Variants in SLC15A5 observed in about 807,000 individuals in gnomAD.
SLC15A5 encodes the protein Peptide/histidine transporter ENSP00000340402.
In SLC15A5, 58 loss-of-function variants were observed where a neutral mutation model predicts 56.1. The observed-to-expected ratio is 1.03, with a 90% CI of 0.84 to 1.29. The LOEUF is 1.29. Among genes scored for constraint, SLC15A5 ranks in the 50% most tolerant of loss-of-function variants. The pLI is 0.00. For synonymous variants in SLC15A5, 264 were observed against 250.5 expected (o/e 1.05, Z -0.51); for missense variants, 681 against 672.1 (o/e 1.01, Z -0.15).
At chr12:16,223,434 T>C (rs542031306) in intron 6 of SLC15A5, among the ~76,000 whole-genome samples, 1 of 152,300 alleles carries the variant, frequency 6.6e-6, no homozygotes, top group Non-Finnish European at 1.5e-5. Context: ...GATAAATAGA[T>C]GTACACACAC....
At chr12:16,225,004 T>C (rs1214019849) in intron 5 of SLC15A5, among the ~76,000 whole-genome samples, 1 of 152,034 alleles carries the variant, frequency 6.6e-6, no homozygotes, top group East Asian at 1.9e-4. Flanking sequence ...TATGATAGTT[T>C]GCTGAGAATG....
At chr12:16,228,794 T>C (rs1000987993) in intron 5 of SLC15A5, among the ~76,000 whole-genome samples, 4 of 152,042 alleles carry the variant, frequency 2.6e-5, no homozygotes, top group African/African-American at 9.7e-5. Context: ...GCTGACTTTA[T>C]TGTAAGAATA....
intron 7 of SLC15A5, among the ~76,000 whole-genome samples, chr12:16,198,611 T>C (rs1863918838): frequency 6.6e-6 from 1 of 152,144 alleles, no homozygotes; most frequent in South Asian, 2.1e-4. Context: ...CTCAACAGTT[T>C]TAAAATGTCT....
chr12:16,199,304 C>CTAAA (rs1863927578), intron 7 of SLC15A5, among the ~76,000 whole-genome samples: 1 of 91,362 alleles, frequency 1.1e-5, no homozygotes, highest in Non-Finnish European at 2.1e-5. Flanking sequence ...TAGACTGTCT[C>CTAAA]AAAAAAAAAA....
chr12:16,235,168 T>C lies in SLC15A5; in HGVS notation c.1162+4513A>G, dbSNP rs996790870. 6.6e-6 allele frequency among the ~76,000 whole-genome samples: 1 copy of C among 151,658 alleles called. No individual in the cohort carries two copies. The highest frequency in any genetic ancestry group is 2.4e-5 in the African/African-American group (1 of 41,346). Reference sequence around the variant, plus strand: ...GTCACTCACTTTTTAGGGTGGCATATGTTTTTTATTTTTATTGTTTTCCCC... The same window carrying C: ...GTCACTCACTTTTTAGGGTGGCATACGTTTTTTATTTTTATTGTTTTCCCC... On this transcript the variant is annotated intron_variant, in intron 5 of 8. Transcript: ENST00000344941. This position sits in a 1 kb window ranked among gnomAD's most constrained non-coding sequence, Gnocchi z 4.1.
chr12:16,270,526 C>T (rs561265370), intron 2 of SLC15A5, among the ~76,000 whole-genome samples: 1 of 152,246 alleles, frequency 6.6e-6, no homozygotes, highest in Admixed American at 6.5e-5. Flanking sequence ...ACAATGGTTT[C>T]AGCTGATGGC....
At position 16,237,021 on chromosome 12, in the gene SLC15A5, A is replaced by G. The variant is rs1864358632; in HGVS notation, c.1162+2660T>C. Among the ~76,000 whole-genome samples, 1 of 152,204 alleles carries G rather than the reference A, an allele frequency of 6.6e-6. No homozygotes were observed. The highest frequency in any genetic ancestry group is 1.5e-5 in the Non-Finnish European group (1 of 68,026). On this transcript the variant is annotated intron_variant, in intron 5 of 8. Transcript: ENST00000344941. This position sits in a 1 kb window ranked among gnomAD's most constrained non-coding sequence, Gnocchi z 4.1. ...ATGGTTTATCATGAGATTAAATGTAATATGTGTATGAAGGTTCCTAAATTC... is the reference window on the plus strand; with the variant it reads ...ATGGTTTATCATGAGATTAAATGTAGTATGTGTATGAAGGTTCCTAAATTC...
At chr12:16,240,225 C>T (rs1353788497) in intron 4 of SLC15A5, among the ~76,000 whole-genome samples, 2 of 152,026 alleles carry the variant, frequency 1.3e-5, no homozygotes, top group Admixed American at 1.3e-4. Flanking sequence ...TTCATGAACA[C>T]TAATATAAAA....
rs367756256 is a variant in SLC15A5 at position 16,264,136 on chromosome 12, G to A, written c.585-6266C>T. 7.0e-4 allele frequency among the ~76,000 whole-genome samples: 106 copies of A among 152,310 alleles called. 1 individual carries two copies. In the South Asian group the frequency reaches 0.021, roughly 30 times the overall value. On this transcript the variant is annotated intron_variant, in intron 2 of 8. Coordinates refer to ENST00000344941, the MANE Select transcript of SLC15A5 (RefSeq NM_001170798.1). ...AGCAGCAGACACTGGATGCCAGCCC[G>A]TGAAGGCAGCTGGGAGGGAAGCAGT...
chr12:16,201,162 C>T (rs1863951199), intron 7 of SLC15A5, among the ~76,000 whole-genome samples: 1 of 152,048 alleles, frequency 6.6e-6, no homozygotes, highest in Non-Finnish European at 1.5e-5. Context: ...GAAAAAGTTA[C>T]AAAGAATTAC....
chr12:16,218,160 T>C (rs3847921), intron 6 of SLC15A5, among the ~76,000 whole-genome samples: 84,458 of 151,882 alleles, frequency 0.56, 23,753 homozygotes, highest in South Asian at 0.74. Context: ...GAGTTGAAAA[T>C]TATTGATGCT....
In SLC15A5 at chr12:16,218,910, T is replaced by G. The variant is rs58751454; in HGVS notation, c.1352-1886A>C. Among the ~76,000 whole-genome samples the G allele has an allele frequency of 4.9e-3, 749 of 152,292 alleles. 7 individuals carry two copies. The highest frequency in any genetic ancestry group is 0.017 in the African/African-American group (699 of 41,568). On this transcript the variant is annotated intron_variant, in intron 6 of 8. Transcript: ENST00000344941. ...AGCAAAACTCTGCATTTACCAGAAC[T>G]TTTCCATGATCTTACTAACACATGA...
chr12:16,208,580 T>G (rs563826194), intron 7 of SLC15A5, among the ~76,000 whole-genome samples: 1 of 152,178 alleles, frequency 6.6e-6, no homozygotes, highest in South Asian at 2.1e-4. Flanking sequence ...GGCAGGAGGA[T>G]CCTTTGAGCC....
chr12:16,212,020 C>T (rs1864086584), intron 7 of SLC15A5, among the ~76,000 whole-genome samples: 1 of 152,160 alleles, frequency 6.6e-6, no homozygotes, highest in South Asian at 2.1e-4. Context: ...CTCACATGCA[C>T]ACATGCTCAG....
Position 16,189,744 on chromosome 12 carries a change from TGGA to T in SLC15A5, c.1661_1663del (p.Leu554del), listed in dbSNP as rs762922501. 460 of 1,531,486 alleles carry T rather than the reference TGGA, an allele frequency of 3.0e-4. No individual in the cohort carries two copies. Among genetic ancestry groups the T allele is most frequent in the Non-Finnish European group, 3.9e-4 (441 of 1,143,916 alleles). The allele number at this position is 1,531,486 out of a possible 1,614,324, so 94.9% of individuals were successfully genotyped here. On this transcript the variant is annotated inframe_deletion, in exon 9 of 9. Coordinates refer to ENST00000344941, the MANE Select transcript of SLC15A5 (RefSeq NM_001170798.1). ...GCCATAAAATTTCAGAGATTTTTCG[TGGA>T]GGAGAAGTGTTTCTTCAAGATTACT...
Position 16,277,312 on chromosome 12 carries a change from A to C in SLC15A5, c.361+13T>G. The C allele has an allele frequency of 6.7e-7, 1 of 1,500,670 alleles. No individual in the cohort carries two copies. The highest frequency in any genetic ancestry group is 8.9e-7 in the Non-Finnish European group (1 of 1,128,962). The allele number at this position is 1,500,670 out of a possible 1,614,324, so 93.0% of individuals were successfully genotyped here. A position where few individuals can be genotyped will look rare whatever the true frequency, so the allele number is the denominator to read the frequency against. On this transcript the variant is annotated intron_variant, in intron 1 of 8. Coordinates refer to ENST00000344941, the MANE Select transcript of SLC15A5 (RefSeq NM_001170798.1). ...TAAGTCACAAAACAATCCAGTCAGC[A>C]GAGGACACTCACCTAGAAAATGTAG...
chr12:16,238,643 A>AT (rs1030718363), intron 5 of SLC15A5, among the ~76,000 whole-genome samples: 1 of 151,552 alleles, frequency 6.6e-6, no homozygotes, highest in South Asian at 2.1e-4. Context: ...AAAAAAAAAA[A>AT]AAAATAAGAA....
chr12:16,190,481 A>T (rs1185162162), intron 8 of SLC15A5, among the ~76,000 whole-genome samples: 1 of 152,210 alleles, frequency 6.6e-6, no homozygotes, highest in African/African-American at 2.4e-5. Context: ...AAGACAAATT[A>T]CTTTCTTAAA....
intron 6 of SLC15A5, 29 bp from the exon 7 acceptor site, chr12:16,217,053 G>A: frequency 6.6e-7 from 1 of 1,515,426 alleles, no homozygotes. Flanking sequence ...TCAGAATTTA[G>A]AACTTTCTCC....
Sources: gnomAD v4.1 joint callset for allele counts (sites outside exome capture counted in the v4.1 genomes callset) on GRCh38, gnomAD v4.1.1 for gene constraint, Gnocchi (gnomAD v3.1) non-coding constraint, MANE v1.5 for transcripts, NCBI Gene and HGNC (gene_info 2026-07-23, HGNC 2026-07-21) for gene names.